The following MRE11 variants were observed in gnomAD, a reference collection of about 807,000 sequenced individuals.
MRE11 encodes the protein MRE11 double strand break repair nuclease, also known as double-strand break repair protein MRE11.
A neutral mutation model predicts 91.7 loss-of-function variants in MRE11; 62 were observed. The observed-to-expected ratio is 0.68, with a 90% CI of 0.55 to 0.84. The LOEUF (loss-of-function observed/expected upper bound fraction) is 0.84. MRE11 is among the 40% of genes least tolerant of loss of function. The probability of loss-of-function intolerance (pLI) is 0.00; values close to 1 mark genes in which losing one functional copy is unlikely to be tolerated. For missense variants in MRE11, 796 were observed against 852.9 expected, an observed-to-expected ratio of 0.93 and a Z score of 0.83; for synonymous variants, 273 against 271.4, an observed-to-expected ratio of 1.01 and a Z score of -0.06.
intron 7 of MRE11, among the ~76,000 whole-genome samples, chr11:94,472,394 G>A (rs1042291045): frequency 6.6e-6 from 1 of 152,052 alleles, no homozygotes; most frequent in African/African-American, 2.4e-5. Context: ...TCAAGTAAAA[G>A]TGTTCACATA....
At chr11:94,509,590 G>A in the MRE11 span, among the ~76,000 whole-genome samples, 43 of 151,934 alleles carry the variant, frequency 2.8e-4, no homozygotes, top group African/African-American at 9.4e-4. Flanking sequence ...CTACAGGCAC[G>A]TACCACCACG....
intron 11 of MRE11, 148 bp downstream of exon 11, chr11:94,463,965 G>T: frequency 1.2e-6 from 1 of 858,504 alleles, no homozygotes; most frequent in African/African-American, 1.7e-5. Context: ...ATTTTTAGAA[G>T]ACAAGAGAAT....
intron 19 of MRE11, among the ~76,000 whole-genome samples, chr11:94,423,684 CTGG>C (rs1457338552): frequency 1.3e-5 from 2 of 152,204 alleles, no homozygotes; most frequent in Non-Finnish European, 2.9e-5. Context: ...TTGTTTTTTG[CTGG>C]TGGTTCCACC....
At position 94,460,054 on chromosome 11, in the gene MRE11, T is replaced by C. The variant is rs141605000; in HGVS notation, c.1327-473A>G. ...GGCAGATGGGAGCTGGAAGGAAAAA[T>C]AACTCTGGGGAAATGGTTAGAGAGA... On this transcript the variant is annotated intron_variant, in intron 12 of 19. Transcript: ENST00000323929. Among the ~76,000 whole-genome samples the C allele has an allele frequency of 2.8e-4, 43 of 152,102 alleles. No homozygotes were observed. In the East Asian group the frequency reaches 7.9e-3, roughly 28 times the overall value.
the MRE11 span, among the ~76,000 whole-genome samples, chr11:94,510,111 C>G: frequency 6.6e-6 from 1 of 151,888 alleles, no homozygotes; most frequent in Non-Finnish European, 1.5e-5. Flanking sequence ...TTGGAAGATA[C>G]CAGTGAGGCT....
rs1002764139 is a variant in MRE11, at chr11:94,418,225, G to A, written c.*1900C>T. 8.6e-5 allele frequency: 20 copies of A among 232,946 alleles called. No individual in the cohort carries two copies. The highest frequency in any genetic ancestry group is 1.7e-4 in the Admixed American group (3 of 17,786). 14.4% of individuals were successfully genotyped at this position (232,946 alleles called of 1,614,324 possible). A position where few individuals can be genotyped will look rare whatever the true frequency, so the allele number is the denominator to read the frequency against. On this transcript the variant is annotated 3_prime_UTR_variant, in exon 20 of 20. Coordinates refer to ENST00000323929, the MANE Select transcript of MRE11 (RefSeq NM_005591.4). ...AATCAAAAAAAGGTTTCCCTGTCAC[G>A]TTTTATTTACCATATTTTCAGGGCT...
intron 18 of MRE11, among the ~76,000 whole-genome samples, chr11:94,430,706 T>C (rs376856036): frequency 6.6e-6 from 1 of 152,104 alleles, no homozygotes; most frequent in Non-Finnish European, 1.5e-5. Flanking sequence ...CTTGACCTCG[T>C]GATCCGCCCA....
intron 3 of MRE11, among the ~76,000 whole-genome samples, chr11:94,488,374 C>T (rs1188347343): frequency 6.6e-6 from 1 of 152,078 alleles, no homozygotes; most frequent in African/African-American, 2.4e-5. Context: ...ACTGGTTCAA[C>T]CATTGTGGAA....
chr11:94,458,183 T>G (rs963363113), intron 13 of MRE11, among the ~76,000 whole-genome samples: 1 of 138,114 alleles, frequency 7.2e-6, no homozygotes, highest in East Asian at 2.1e-4. Flanking sequence ...AGGGAATGAG[T>G]TTTTTTTTTT....
chr11:94,485,173 G>GCAGGAGGCT (rs1947108068), intron 4 of MRE11, among the ~76,000 whole-genome samples: 5 of 152,048 alleles, frequency 3.3e-5, no homozygotes, highest in Admixed American at 3.3e-4. Context: ...AGAATTGCTT[G>GCAGGAGGCT]AACCCAGGAG....
chr11:94,425,688 G>A (rs1403520153), intron 19 of MRE11, among the ~76,000 whole-genome samples: 2 of 152,130 alleles, frequency 1.3e-5, no homozygotes, highest in African/African-American at 4.8e-5. Context: ...AAGGGCAGGA[G>A]TCACAATTCT....
upstream of MRE11, chr11:94,497,085 A>G (rs775962664): frequency 2.5e-6 from 3 of 1,209,178 alleles, no homozygotes; most frequent in Admixed American, 3.7e-5. Flanking sequence ...AATGTACATG[A>G]AAGCACATAT....
At chr11:94,484,084 T>C (rs1236277119) in intron 4 of MRE11, among the ~76,000 whole-genome samples, 2 of 151,208 alleles carry the variant, frequency 1.3e-5, no homozygotes, top group African/African-American at 4.9e-5. Context: ...AAGTAAAAAA[T>C]CAGAAGAAAA....
chr11:94,429,821 GA>G (rs774444778), intron 19 of MRE11, 89 bp downstream of exon 19: 23 of 1,109,122 alleles, frequency 2.1e-5, no homozygotes, highest in East Asian at 5.3e-5. Flanking sequence ...ATTTATCAAA[GA>G]AAAAAAAGTT....
chr11:94,461,968 G>C (rs570221463), intron 11 of MRE11, among the ~76,000 whole-genome samples: 2 of 152,128 alleles, frequency 1.3e-5, no homozygotes, highest in African/African-American at 2.4e-5. Context: ...CCAGCGACTC[G>C]GGAGGCTGAG....
chr11:94,457,948 G>A (rs1946304370), intron 13 of MRE11, among the ~76,000 whole-genome samples: 1 of 151,386 alleles, frequency 6.6e-6, no homozygotes, highest in African/African-American at 2.4e-5. Context: ...GAGTCATGAT[G>A]TCACTCCAGG....
the MRE11 span, among the ~76,000 whole-genome samples, chr11:94,510,628 G>A: frequency 6.6e-6 from 1 of 152,044 alleles, no homozygotes; most frequent in Non-Finnish European, 1.5e-5. Context: ...TAACTTTTTG[G>A]AAATTATTTC....
chr11:94,491,948 TTTCTC>T (rs1947294641), intron 2 of MRE11, among the ~76,000 whole-genome samples: 1 of 152,186 alleles, frequency 6.6e-6, no homozygotes, highest in African/African-American at 2.4e-5. Context: ...TATGAAGTAT[TTTCTC>T]ATGAATTCTC....
chr11:94,491,043 T>C, intron 2 of MRE11, 78 bp from the exon 3 acceptor site: 1 of 891,092 alleles, frequency 1.1e-6, no homozygotes, highest in Admixed American at 2.3e-5. Flanking sequence ...GACAAACTTA[T>C]AAAATAAATA....
Sources: allele counts gnomAD v4.1 joint callset (sites outside exome capture counted in the v4.1 genomes callset), GRCh38; gene constraint gnomAD v4.1.1; transcripts MANE v1.5; gene names NCBI Gene and HGNC (gene_info 2026-07-23, HGNC 2026-07-21).